Variants in CAMTA1 observed in about 807,000 individuals in gnomAD.
The protein encoded by CAMTA1 is calmodulin-binding transcription activator 1.
CAMTA1 carries 27 observed loss-of-function variants against 170.9 expected under a neutral mutation model. The ratio of observed to expected loss-of-function variants is 0.16; its 90% CI spans 0.12 to 0.22. CAMTA1 has a LOEUF of 0.22. Among genes scored for constraint, CAMTA1 ranks in the 10% least tolerant of loss-of-function variants. CAMTA1 has a pLI of 1.00. For missense variants in CAMTA1, 1,619 were observed against 2,217.2 expected (o/e 0.73, Z 5.42); for synonymous variants, 833 against 891.5 (o/e 0.93, Z 1.17).
intron 1 of CAMTA1, among the ~76,000 whole-genome samples, chr1:6,797,352 C>T (rs747432379): frequency 5.3e-5 from 8 of 151,726 alleles, no homozygotes; most frequent in Admixed American, 1.3e-4. Flanking sequence ...TGAACCACCA[C>T]GTTCGGCTGA....
intron 6 of CAMTA1, among the ~76,000 whole-genome samples, chr1:7,637,812 C>T (rs1426780528): frequency 6.6e-6 from 1 of 152,240 alleles, no homozygotes; most frequent in Non-Finnish European, 1.5e-5. Context: ...CCCAGCCCGC[C>T]TCCTTGGCTA....
chr1:7,114,011 T>C (rs934047631), intron 4 of CAMTA1, among the ~76,000 whole-genome samples: 10 of 152,218 alleles, frequency 6.6e-5, no homozygotes, highest in African/African-American at 2.4e-4. Context: ...CCACCACTGC[T>C]GTAACCCACG....
At chr1:7,432,664 A>T (rs1052629390) in intron 5 of CAMTA1, among the ~76,000 whole-genome samples, 1 of 152,130 alleles carries the variant, frequency 6.6e-6, no homozygotes, top group Admixed American at 6.5e-5. Flanking sequence ...CGTCCTGAGC[A>T]AGCCTTGGGA....
At chr1:7,062,945 T>G (rs555541326) in intron 3 of CAMTA1, among the ~76,000 whole-genome samples, 15 of 152,334 alleles carry the variant, frequency 9.8e-5, no homozygotes, top group Admixed American at 3.3e-4. Context: ...TCACATTGGA[T>G]TGGGGCCCAT....
At chr1:7,560,392 A>C (rs560107029) in intron 6 of CAMTA1, among the ~76,000 whole-genome samples, 10 of 152,334 alleles carry the variant, frequency 6.6e-5, no homozygotes, top group African/African-American at 2.4e-4. Context: ...AGAGTCTAAC[A>C]GGTCTCTGCG....
chr1:7,568,882 C>T (rs562658090), intron 6 of CAMTA1, among the ~76,000 whole-genome samples: 8 of 149,654 alleles, frequency 5.3e-5, no homozygotes, highest in Admixed American at 3.3e-4. Flanking sequence ...CCATCATCAC[C>T]GCATCACCAT....
intron 3 of CAMTA1, among the ~76,000 whole-genome samples, chr1:6,846,208 T>C (rs922890994): frequency 3.9e-5 from 6 of 152,248 alleles, no homozygotes; most frequent in Non-Finnish European, 8.8e-5. Context: ...ACCATGTATA[T>C]TTGGTTTTAA....
rs893977470 is a variant in CAMTA1, at chr1:7,746,787, C to T, written c.4617+696C>T. Among the ~76,000 whole-genome samples the T allele has an allele frequency of 3.2e-4, 48 of 152,180 alleles. 1 individual carries two copies. The highest frequency in any genetic ancestry group is 2.3e-3 in the Admixed American group (35 of 15,284). On this transcript the variant is annotated intron_variant, in intron 18 of 22. Coordinates refer to ENST00000303635, the MANE Select transcript of CAMTA1 (RefSeq NM_015215.4). Reference sequence around the variant, plus strand: ...AAGTAGCTGGAATTACTGGCGCGTGCCACCACACCCGCCTAATTCTTGTAT... The same window carrying T: ...AAGTAGCTGGAATTACTGGCGCGTGTCACCACACCCGCCTAATTCTTGTAT...
chr1:7,629,208 C>T (rs1558025435), intron 6 of CAMTA1, among the ~76,000 whole-genome samples: 1 of 152,246 alleles, frequency 6.6e-6, no homozygotes, highest in Non-Finnish European at 1.5e-5. Context: ...GCCTGCATCC[C>T]TGACAGGTCC....
At chr1:6,872,533 A>G (rs1017400214) in intron 3 of CAMTA1, among the ~76,000 whole-genome samples, 4 of 152,224 alleles carry the variant, frequency 2.6e-5, no homozygotes, top group African/African-American at 7.2e-5. Context: ...GCAATTTAAC[A>G]TGACCAAAAA....
At chr1:7,130,870 T>G (rs546209517) in intron 4 of CAMTA1, among the ~76,000 whole-genome samples, 10 of 152,370 alleles carry the variant, frequency 6.6e-5, no homozygotes, top group African/African-American at 2.4e-4. Flanking sequence ...TACTGAGTTG[T>G]AAAAGTTCTT....
chr1:7,000,654 C>G (rs989489095), intron 3 of CAMTA1, among the ~76,000 whole-genome samples: 2 of 152,210 alleles, frequency 1.3e-5, no homozygotes, highest in East Asian at 3.8e-4. Context: ...TTGGCTCTGA[C>G]TTTGGGTGCT....
At chr1:6,958,808 A>G (rs1440189591) in intron 3 of CAMTA1, among the ~76,000 whole-genome samples, 1 of 152,144 alleles carries the variant, frequency 6.6e-6, no homozygotes, top group Non-Finnish European at 1.5e-5. Context: ...CAGATGCTTT[A>G]TAAAGCCCAG....
chr1:7,446,363 C>T (rs1242035292), intron 5 of CAMTA1, among the ~76,000 whole-genome samples: 2 of 152,118 alleles, frequency 1.3e-5, no homozygotes, highest in Non-Finnish European at 2.9e-5. Flanking sequence ...CTAACAGATC[C>T]TTAGGTAAAT....
chr1:6,825,310 A>G (rs573310322), intron 3 of CAMTA1, 100 bp downstream of exon 3: 1 of 625,828 alleles, frequency 1.6e-6, no homozygotes, highest in Non-Finnish European at 2.9e-6. Context: ...AATTTAAAAT[A>G]CTGATCTAGG....
intron 6 of CAMTA1, among the ~76,000 whole-genome samples, chr1:7,513,827 C>T (rs543500740): frequency 6.6e-6 from 1 of 152,266 alleles, no homozygotes; most frequent in Admixed American, 6.5e-5. Flanking sequence ...GAGGCCGAGG[C>T]GGGAGAATCA....
intron 3 of CAMTA1, among the ~76,000 whole-genome samples, chr1:6,995,297 T>A (rs1572300064): frequency 1.1e-5 from 1 of 91,532 alleles, no homozygotes; most frequent in Non-Finnish European, 2.2e-5. Context: ...TTTCTTTTCT[T>A]TTTTTTTTTT....
At position 7,291,203 on chromosome 1, in the gene CAMTA1, A is replaced by G. The variant is rs1422942692; in HGVS notation, c.438+41577A>G. 2.0e-5 allele frequency among the ~76,000 whole-genome samples: 3 copies of G among 152,040 alleles called. No individual in the cohort carries two copies. The East Asian group carries it at 5.8e-4, about 29-fold the overall frequency. On this transcript the variant is annotated intron_variant, in intron 5 of 22. Transcript: ENST00000303635. ...CAGACACAGTACCCAGAGGCTGGGA[A>G]AGTTAGGGACGAAGACGGGCAGAGA...
At position 6,934,103 on chromosome 1, in the gene CAMTA1, G is replaced by A. The variant is rs183768489; in HGVS notation, c.234+108893G>A. Among the ~76,000 whole-genome samples, 70 of 152,316 alleles carry A rather than the reference G, an allele frequency of 4.6e-4. No homozygotes were observed. The highest frequency in any genetic ancestry group is 1.7e-3 in the African/African-American group (69 of 41,574). On this transcript the variant is annotated intron_variant, in intron 3 of 22. Transcript: ENST00000303635. This position sits in a 1 kb window ranked among gnomAD's most constrained non-coding sequence, Gnocchi z 4.5. The stretch of plus-strand genomic sequence containing the variant: ...ATGCCACCTGCTGTCCTGCCACACC[G>A]GTGGGTGTAGGACCATATGAGTGAC...
Sources: allele counts gnomAD v4.1 joint callset (sites outside exome capture counted in the v4.1 genomes callset), GRCh38; gene constraint gnomAD v4.1.1; non-coding constraint Gnocchi (gnomAD v3.1); transcripts MANE v1.5; gene names NCBI Gene and HGNC (gene_info 2026-07-23, HGNC 2026-07-21).